RXYLT1: variants seen among roughly 807,000 people sequenced by gnomAD.
The protein encoded by RXYLT1 is ribitol-5-phosphate xylosyltransferase 1.
In RXYLT1, 41 loss-of-function variants were observed where a neutral mutation model predicts 43.5. The ratio of observed to expected loss-of-function variants is 0.94; its 90% CI spans 0.73 to 1.22. The LOEUF is 1.22. Ranked by LOEUF, RXYLT1 falls within the 50% of genes most tolerant of loss-of-function variation. The probability of loss-of-function intolerance (pLI) is 0.00; values close to 1 mark genes in which losing one functional copy is unlikely to be tolerated. For synonymous variants in RXYLT1, 166 were observed against 194.4 expected (o/e 0.85, Z 1.21); for missense variants, 514 against 532.0 (o/e 0.97, Z 0.33).
chr12:63,792,142 TAAG>T (rs1233112837), intron 3 of RXYLT1, among the ~76,000 whole-genome samples: 1 of 152,212 alleles, frequency 6.6e-6, no homozygotes, highest in East Asian at 1.9e-4. Context: ...TTTAATGTCT[TAAG>T]AAGTTGGTGA....
chr12:63,797,337 G>A (rs749793083), intron 3 of RXYLT1, among the ~76,000 whole-genome samples: 38 of 152,152 alleles, frequency 2.5e-4, no homozygotes, highest in Non-Finnish European at 3.1e-4. Flanking sequence ...TTATTGTTAT[G>A]GAAATACAGA....
In RXYLT1 at chr12:63,796,969, T is replaced by C. The variant is rs186042508; in HGVS notation, c.429-5122T>C. Among the ~76,000 whole-genome samples the C allele has an allele frequency of 5.0e-3, 744 of 147,332 alleles. 3 individuals carry two copies. The highest frequency in any genetic ancestry group is 7.3e-3 in the Non-Finnish European group (482 of 66,354). On this transcript the variant is annotated intron_variant, in intron 3 of 5. Transcript: ENST00000261234. ...TATATTTCTTTTTCTTTTTCTTTTT[T>C]TTTTTTTTTTTTGTGACAGAGTCTT...
intron 3 of RXYLT1, among the ~76,000 whole-genome samples, chr12:63,793,309 T>A (rs1263775850): frequency 1.3e-5 from 2 of 152,218 alleles, no homozygotes; most frequent in East Asian, 1.9e-4. Context: ...TTAATGTTTT[T>A]AATTTTTTTA....
intron 1 of RXYLT1, 69 bp from the exon 2 acceptor site, chr12:63,780,950 T>C (rs991564863): frequency 1.5e-6 from 2 of 1,290,626 alleles, no homozygotes; most frequent in Admixed American, 2.9e-5. Context: ...ACACTTAATT[T>C]AAATGATTTG....
At chr12:63,789,713 T>C (rs1158398274) in intron 3 of RXYLT1, among the ~76,000 whole-genome samples, 1 of 152,206 alleles carries the variant, frequency 6.6e-6, no homozygotes, top group Non-Finnish European at 1.5e-5. Context: ...AAGGTCACCA[T>C]TGTATGAGAT....
intron 3 of RXYLT1, among the ~76,000 whole-genome samples, chr12:63,787,265 G>C (rs1565900549): frequency 6.6e-6 from 1 of 152,172 alleles, no homozygotes; most frequent in Non-Finnish European, 1.5e-5. Context: ...CACTTTCTCT[G>C]CTCATTCATA....
At chr12:63,805,563 G>C (rs1024443532) in intron 5 of RXYLT1, 159 bp downstream of exon 5, 1 of 663,804 alleles carries the variant, frequency 1.5e-6, no homozygotes, top group East Asian at 3.1e-5. Context: ...AGACTGGGTT[G>C]TACACATTTA....
In RXYLT1 at chr12:63,808,963, T is replaced by C; in HGVS notation, c.1203T>C (p.Thr401=). The C allele has an allele frequency of 1.2e-6, 2 of 1,613,316 alleles. No homozygotes were observed. The highest frequency in any genetic ancestry group is 1.7e-6 in the Non-Finnish European group (2 of 1,179,810). The part of the protein sequence containing the change: ...ELPAVLEKEK[T]IILQEKIERR... ...CTGCTGTTTTAGAAAAAGAGAAAAC[T>C]ATAATTTTACAAGAAAAAATTGAAA... The change falls in exon 6 of 6, where the codon ACT becomes ACC. Residue 401 remains threonine, a synonymous_variant. Coordinates refer to ENST00000261234, the MANE Select transcript of RXYLT1 (RefSeq NM_014254.3).
chr12:63,785,717 T>A (rs1037111653), intron 3 of RXYLT1, among the ~76,000 whole-genome samples: 4 of 152,058 alleles, frequency 2.6e-5, no homozygotes, highest in African/African-American at 9.7e-5. Context: ...TTTATTAGAT[T>A]TTGCTTTATT....
intron 2 of RXYLT1, among the ~76,000 whole-genome samples, chr12:63,784,601 T>C (rs1420388499): frequency 2.6e-5 from 4 of 152,236 alleles, no homozygotes; most frequent in African/African-American, 7.2e-5. Flanking sequence ...CAATCTGTTA[T>C]AAAAGCAGTT....
Position 63,780,106 on chromosome 12 carries a change from C to G in RXYLT1, c.146C>G (p.Pro49Arg), listed in dbSNP as rs1555225874. 6.5e-7 allele frequency: 1 copy of G among 1,543,420 alleles called. No individual in the cohort carries two copies. The highest frequency in any genetic ancestry group is 2.0e-5 in the Admixed American group (1 of 50,606). ...CGGGGCCTCAGGAAGGGGGCGGCCC[C>G]CGCGCGGGAGAGACGCGGCCGAGGT... ...SPRGLRKGAA[P>R]ARERRGREQS... The change falls in exon 1 of 6, where the codon CCC becomes CGC. Residue 49 changes from proline (P) to arginine (R), a missense_variant. Physicochemically the swap from Pro to Arg is moderately radical, Grantham distance 103 (BLOSUM62 -2). Transcript: ENST00000261234.
intron 3 of RXYLT1, among the ~76,000 whole-genome samples, chr12:63,794,101 G>A (rs564299423): frequency 2.5e-4 from 38 of 152,230 alleles, no homozygotes; most frequent in Non-Finnish European, 5.3e-4. Flanking sequence ...ATAACTTTTC[G>A]TGTTACTGGT....
Position 63,780,000 on chromosome 12 carries a change from G to C in RXYLT1, c.40G>C (p.Ala14Pro). ...TRKRLCSFLI[A>P]LYCLFSLYAA... ...GAAGCGGCTCTGCTCGTTTCTTATC[G>C]CCCTGTACTGCCTATTCTCCCTCTA... is the stretch of plus-strand genomic sequence containing the variant. Residue 14 changes from alanine to proline, a missense_variant, in exon 1 of 6, where the codon GCC (alanine) becomes CCC (proline). Coordinates refer to ENST00000261234, the MANE Select transcript of RXYLT1 (RefSeq NM_014254.3). The C allele has an allele frequency of 1.2e-6, 2 of 1,611,254 alleles. No homozygotes were observed. Among genetic ancestry groups the C allele is most frequent in the Non-Finnish European group, 8.5e-7 (1 of 1,178,956 alleles).
At chr12:63,780,448 CA>C (rs1297729773) in intron 1 of RXYLT1, 7 of 1,186,400 alleles carry the variant, frequency 5.9e-6, no homozygotes, top group Non-Finnish European at 7.3e-6. Flanking sequence ...TGGAAGGCCT[CA>C]AAATCGCCGC....
intron 3 of RXYLT1, among the ~76,000 whole-genome samples, chr12:63,796,422 C>G (rs144761592): frequency 6.6e-6 from 1 of 152,136 alleles, no homozygotes; most frequent in African/African-American, 2.4e-5. Context: ...CTAGGAGATT[C>G]TCTGGGACCA....
At chr12:63,791,651 A>G (rs535919467) in intron 3 of RXYLT1, among the ~76,000 whole-genome samples, 167 of 152,366 alleles carry the variant, frequency 1.1e-3, no homozygotes, top group African/African-American at 3.4e-3. Context: ...AAACAAAGAC[A>G]AAACAGTATT....
chr12:63,783,199 GC>G (rs1406590527), intron 2 of RXYLT1, among the ~76,000 whole-genome samples: 1 of 152,132 alleles, frequency 6.6e-6, no homozygotes, highest in Non-Finnish European at 1.5e-5. Flanking sequence ...GGCGTCTCAC[GC>G]CCGTAATCCC....
chr12:63,805,533 T>G lies in RXYLT1; in HGVS notation c.914+129T>G, dbSNP rs77381126. 0.016 allele frequency: 14,523 copies of G among 891,712 alleles called. 165 individuals are homozygous for G. The highest frequency in any genetic ancestry group is 0.02 in the Non-Finnish European group (12,397 of 618,742). The allele number at this position is 891,712 out of a possible 1,614,324, so 55.2% of individuals were successfully genotyped here. A position where few individuals can be genotyped will look rare whatever the true frequency, so the allele number is the denominator to read the frequency against. ...ACCAATCTTTCCCCAGAAGATACAT[T>G]AGTAATTAAAACTGTGAAAAGACTG... On this transcript the variant is annotated intron_variant, in intron 5 of 5. Coordinates refer to ENST00000261234, the MANE Select transcript of RXYLT1 (RefSeq NM_014254.3).
chr12:63,804,558 A>G (rs1399852024), intron 4 of RXYLT1: 3 of 152,206 alleles, frequency 2.0e-5, no homozygotes, highest in Non-Finnish European at 4.4e-5. Context: ...ACAAATAGTA[A>G]TGGTATATGA....
Sources: gnomAD v4.1 joint callset for allele counts (sites outside exome capture counted in the v4.1 genomes callset) on GRCh38, gnomAD v4.1.1 for gene constraint, MANE v1.5 for transcripts, NCBI Gene and HGNC (gene_info 2026-07-23, HGNC 2026-07-21) for gene names.